Variants in GRID1 observed in about 807,000 individuals in gnomAD.
GRID1 encodes the protein glutamate receptor ionotropic, delta-1.
A neutral mutation model predicts 98.0 loss-of-function variants in GRID1; 28 were observed. That is an observed-to-expected ratio of 0.29 (90% confidence interval 0.21 to 0.39). GRID1 has a LOEUF of 0.39. Ranked by LOEUF, GRID1 falls within the 10% of genes least tolerant of loss-of-function variation. The pLI, the probability that GRID1 is intolerant of heterozygous loss-of-function variation, is 1.00. For missense variants in GRID1, 1,111 were observed against 1,340.5 expected (o/e 0.83, Z 2.67); for synonymous variants, 553 against 538.5 (o/e 1.03, Z -0.37).
intron 3 of GRID1, among the ~76,000 whole-genome samples, chr10:86,169,347 A>T (rs1845447678): frequency 6.8e-6 from 1 of 146,842 alleles, no homozygotes; most frequent in African/African-American, 2.7e-5. Context: ...GCTCTCTGGA[A>T]GTAAATAAAC....
intron 12 of GRID1, among the ~76,000 whole-genome samples, chr10:85,670,931 C>T (rs1421892810): frequency 1.3e-5 from 2 of 152,160 alleles, no homozygotes; most frequent in Non-Finnish European, 2.9e-5. Flanking sequence ...GAGATAAGCG[C>T]CTCCAGGATG....
chr10:86,069,580 G>A (rs888697896), intron 4 of GRID1, among the ~76,000 whole-genome samples: 1 of 152,078 alleles, frequency 6.6e-6, no homozygotes, highest in East Asian at 1.9e-4. Flanking sequence ...CCCGGGAGGC[G>A]GAGCTGGCAG....
intron 12 of GRID1, among the ~76,000 whole-genome samples, chr10:85,674,048 T>C (rs1023826912): frequency 6.6e-6 from 1 of 152,250 alleles, no homozygotes; most frequent in African/African-American, 2.4e-5. Context: ...ATGAGTTTGC[T>C]GGTCTTTCAC....
intron 2 of GRID1, among the ~76,000 whole-genome samples, chr10:86,356,987 A>G (rs1227410849): frequency 2.6e-5 from 4 of 152,226 alleles, no homozygotes; most frequent in Non-Finnish European, 5.9e-5. Context: ...TCTGTCTGCC[A>G]TTACAAGAGG....
intron 3 of GRID1, among the ~76,000 whole-genome samples, chr10:86,165,163 T>C (rs1324357058): frequency 2.0e-5 from 3 of 151,888 alleles, no homozygotes; most frequent in African/African-American, 7.3e-5. Flanking sequence ...AAAAAATCTG[T>C]GATCCTGGAG....
chr10:86,321,310 A>T (rs1463432318), intron 2 of GRID1, among the ~76,000 whole-genome samples: 1 of 152,052 alleles, frequency 6.6e-6, no homozygotes, highest in Non-Finnish European at 1.5e-5. Flanking sequence ...CAACAAGGTC[A>T]CCCAGTAAAA....
At chr10:85,918,827 C>G (rs1841659332) in intron 4 of GRID1, among the ~76,000 whole-genome samples, 2 of 152,204 alleles carry the variant, frequency 1.3e-5, no homozygotes, top group African/African-American at 4.8e-5. Flanking sequence ...GAGCAGTGCT[C>G]TCTTTACAGT....
In GRID1 at chr10:86,032,600, C is replaced by T. The variant is rs969783025; in HGVS notation, c.726+106219G>A. ...TGGATTAAGGGCGGTGCAAGATGTG[C>T]TTTGTTAAACAGATGCTTCAAGGCA... On this transcript the variant is annotated intron_variant, in intron 4 of 15. Coordinates refer to ENST00000327946, the MANE Select transcript of GRID1 (RefSeq NM_017551.3). Among the ~76,000 whole-genome samples the T allele has an allele frequency of 2.6e-5, 4 of 152,196 alleles. No homozygotes were observed. In the South Asian group the frequency reaches 8.3e-4, roughly 32 times the overall value.
intron 4 of GRID1, among the ~76,000 whole-genome samples, chr10:85,927,722 G>T (rs990098339): frequency 3.9e-5 from 6 of 152,280 alleles, no homozygotes; most frequent in Admixed American, 6.5e-5. Flanking sequence ...GGACACTGAG[G>T]TTACAACAGG....
chr10:85,853,438 G>T (rs1302615734), intron 8 of GRID1, among the ~76,000 whole-genome samples: 1 of 152,218 alleles, frequency 6.6e-6, no homozygotes, highest in Non-Finnish European at 1.5e-5. Flanking sequence ...CGAAGTGTGT[G>T]AAGTGTGTAC....
At chr10:85,901,983 T>A (rs957918057) in intron 5 of GRID1, among the ~76,000 whole-genome samples, 1 of 152,256 alleles carries the variant, frequency 6.6e-6, no homozygotes, top group African/African-American at 2.4e-5. Flanking sequence ...ATAGGGTTTG[T>A]TTCCTTCTGG....
chr10:86,129,930 A>G (rs1219450866), intron 4 of GRID1, among the ~76,000 whole-genome samples: 1 of 152,226 alleles, frequency 6.6e-6, no homozygotes, highest in Non-Finnish European at 1.5e-5. Context: ...ACAATGCACC[A>G]GGTCTGAGCT....
chr10:86,106,300 A>G (rs1287815687), intron 4 of GRID1, among the ~76,000 whole-genome samples: 2 of 152,258 alleles, frequency 1.3e-5, no homozygotes, highest in Non-Finnish European at 2.9e-5. Flanking sequence ...ATCTCAATGC[A>G]ATCACTAAAA....
intron 8 of GRID1, among the ~76,000 whole-genome samples, chr10:85,835,421 A>G (rs368333088): frequency 6.6e-6 from 1 of 152,196 alleles, no homozygotes; most frequent in African/African-American, 2.4e-5. Context: ...CAATTTCCCC[A>G]TACTGTTCTC....
At chr10:85,603,830 C>A (rs552370317) in intron 15 of GRID1, among the ~76,000 whole-genome samples, 1 of 152,306 alleles carries the variant, frequency 6.6e-6, no homozygotes, top group East Asian at 1.9e-4. Context: ...CCAGGCCACC[C>A]TGCAGGTGGT....
intron 13 of GRID1, among the ~76,000 whole-genome samples, chr10:85,627,874 A>C (rs1251166422): frequency 6.6e-6 from 1 of 152,180 alleles, no homozygotes; most frequent in African/African-American, 2.4e-5. Context: ...CAGGAGATCC[A>C]TCTGTCAGCT....
chr10:85,757,171 C>T, intron 8 of GRID1, among the ~76,000 whole-genome samples: 1 of 152,226 alleles, frequency 6.6e-6, no homozygotes, highest in East Asian at 1.9e-4. Flanking sequence ...AGCTCAGGCA[C>T]AGCCTCAATG....
At chr10:85,979,194 C>T (rs1033219551) in intron 4 of GRID1, among the ~76,000 whole-genome samples, 31 of 152,126 alleles carry the variant, frequency 2.0e-4, no homozygotes, top group East Asian at 3.9e-4. Context: ...CTCCAGCCCC[C>T]CTCCCATGGC....
At chr10:85,864,520 C>T (rs1319153944) in intron 6 of GRID1, among the ~76,000 whole-genome samples, 3 of 152,216 alleles carry the variant, frequency 2.0e-5, no homozygotes, top group Non-Finnish European at 4.4e-5. Context: ...CAAAGCCTTC[C>T]CCACTCTCCA....
Sources: allele counts gnomAD v4.1 joint callset (sites outside exome capture counted in the v4.1 genomes callset), GRCh38; gene constraint gnomAD v4.1.1; transcripts MANE v1.5; gene names NCBI Gene and HGNC (gene_info 2026-07-23, HGNC 2026-07-21).